The following STIM1 variants were observed in gnomAD, a reference collection of about 807,000 sequenced individuals.
The protein encoded by STIM1 is stromal interaction molecule 1.
In STIM1, 25 loss-of-function variants were observed where a neutral mutation model predicts 74.7. The observed-to-expected ratio is 0.33, with a 90% CI of 0.24 to 0.47. The LOEUF (loss-of-function observed/expected upper bound fraction) is 0.47, where lower values mean the gene tolerates loss of function less well. Among genes scored for constraint, STIM1 ranks in the 20% least tolerant of loss-of-function variants. STIM1 has a pLI of 1.00. For synonymous variants in STIM1, 328 were observed against 348.8 expected, an observed-to-expected ratio of 0.94 and a Z score of 0.66; for missense variants, 728 against 920.8, an observed-to-expected ratio of 0.79 and a Z score of 2.71.
At chr11:3,950,134 A>ATT (rs574446467) in intron 1 of STIM1, among the ~76,000 whole-genome samples, 29 of 132,202 alleles carry the variant, frequency 2.2e-4, no homozygotes, top group East Asian at 8.7e-4. Flanking sequence ...TAGGTCATTC[A>ATT]TTTTTTTTTT....
rs1051358820 is a variant in STIM1, at chr11:4,043,822, C to G, written c.386-11704C>G. Among the ~76,000 whole-genome samples the G allele has an allele frequency of 2.0e-5, 3 of 152,106 alleles. No individual in the cohort carries two copies. The South Asian group carries it at 6.2e-4, about 31-fold the overall frequency. On this transcript the variant is annotated intron_variant, in intron 3 of 12. Coordinates refer to ENST00000526596, the MANE Select transcript of STIM1 (RefSeq NM_001382567.1). ...ACGAGGTCAGGAGATTGAGACCATC[C>G]TGGCCAACATGGTGAAACCCTGTCT...
intron 3 of STIM1, among the ~76,000 whole-genome samples, chr11:4,025,285 C>G (rs1228019752): frequency 6.6e-6 from 1 of 152,106 alleles, no homozygotes; most frequent in Non-Finnish European, 1.5e-5. Flanking sequence ...AGCAGGAAGA[C>G]CTGGATTCTA....
At chr11:4,055,853 G>A (rs2094285069) in intron 4 of STIM1, among the ~76,000 whole-genome samples, 1 of 152,164 alleles carries the variant, frequency 6.6e-6, no homozygotes. Flanking sequence ...TCAGTCCTGG[G>A]AATAGTACTG....
At chr11:4,054,466 G>C (rs1470494148) in intron 3 of STIM1, among the ~76,000 whole-genome samples, 2 of 152,212 alleles carry the variant, frequency 1.3e-5, no homozygotes, top group Admixed American at 1.3e-4. Context: ...CACAGCAGGA[G>C]ATGAGTGGTG....
At chr11:3,896,504 CATCTT>C (rs1431367238) in intron 1 of STIM1, among the ~76,000 whole-genome samples, 1 of 152,168 alleles carries the variant, frequency 6.6e-6, no homozygotes, top group African/African-American at 2.4e-5. Flanking sequence ...TATTCTGAAA[CATCTT>C]GATTGAGCTG....
intron 1 of STIM1, among the ~76,000 whole-genome samples, chr11:3,900,107 T>A (rs2092308997): frequency 6.6e-6 from 1 of 152,128 alleles, no homozygotes; most frequent in Non-Finnish European, 1.5e-5. Flanking sequence ...AGTTCCTCCT[T>A]GTACCTCTGC....
At chr11:4,032,635 T>C (rs1464237360) in intron 3 of STIM1, among the ~76,000 whole-genome samples, 2 of 152,206 alleles carry the variant, frequency 1.3e-5, no homozygotes, top group East Asian at 3.9e-4. Flanking sequence ...ACTGATGTTC[T>C]TTCAACCCAT....
Position 3,931,383 on chromosome 11 carries a change from G to A in STIM1, c.140-36169G>A, listed in dbSNP as rs186357742. Among the ~76,000 whole-genome samples the A allele has an allele frequency of 4.3e-3, 647 of 152,196 alleles. 2 individuals carry two copies. Among genetic ancestry groups the A allele is most frequent in the African/African-American group, 0.015 (616 of 41,494 alleles). ...CTGGGAACATAAAAAACAATAAGAC[G>A]TGGTCCTTACCTGCCCTGGATAAAC... On this transcript the variant is annotated intron_variant, in intron 1 of 12. Transcript: ENST00000526596.
chr11:3,858,140 A>G lies in STIM1; in HGVS notation c.139+1731A>G, dbSNP rs184484304. On this transcript the variant is annotated intron_variant, in intron 1 of 12. Coordinates refer to ENST00000526596, the MANE Select transcript of STIM1 (RefSeq NM_001382567.1). The stretch of plus-strand genomic sequence containing the variant: ...CCAAAATATGAGTGCCTGACATAAG[A>G]TGAATATTTTTTGGAGAGTGGGTGT... Among the ~76,000 whole-genome samples the G allele has an allele frequency of 1.5e-4, 23 of 152,280 alleles. No individual in the cohort carries two copies. In the East Asian group the frequency reaches 4.4e-3, roughly 29 times the overall value.
intron 1 of STIM1, among the ~76,000 whole-genome samples, chr11:3,924,545 T>C (rs761003096): frequency 3.9e-5 from 6 of 152,136 alleles, no homozygotes; most frequent in Admixed American, 6.5e-5. Flanking sequence ...TTTGATGTAT[T>C]TTTGATGCAA....
chr11:3,881,274 A>G (rs888337353), intron 1 of STIM1, among the ~76,000 whole-genome samples: 2 of 151,968 alleles, frequency 1.3e-5, no homozygotes, highest in Non-Finnish European at 2.9e-5. Context: ...GCAGCCATCA[A>G]TCTGTGTATC....
intron 2 of STIM1, among the ~76,000 whole-genome samples, chr11:4,000,282 CT>C (rs1485151804): frequency 6.9e-6 from 1 of 145,278 alleles, no homozygotes; most frequent in Admixed American, 7.0e-5. Flanking sequence ...AGACTGCCTC[CT>C]CAAGTGGGTC....
intron 1 of STIM1, among the ~76,000 whole-genome samples, chr11:3,934,390 CCCTCATCCTTGAAGGCCCAGTTTGAT>C (rs2092908653): frequency 6.6e-6 from 1 of 152,236 alleles, no homozygotes; most frequent in Non-Finnish European, 1.5e-5. Context: ...ACCTTCTGTT[CCCTCATCCTTGAAGGCCCAGTTTGAT>C]CTCTTCTCTC....
At chr11:4,044,918 A>G (rs2094178295) in intron 3 of STIM1, among the ~76,000 whole-genome samples, 1 of 152,172 alleles carries the variant, frequency 6.6e-6, no homozygotes, top group African/African-American at 2.4e-5. Context: ...GATTGGCAGC[A>G]TGTTACTGGC....
chr11:4,052,933 C>T (rs1294541842), intron 3 of STIM1, among the ~76,000 whole-genome samples: 3 of 152,190 alleles, frequency 2.0e-5, no homozygotes, highest in African/African-American at 7.2e-5. Flanking sequence ...TATGAACAGA[C>T]ACTTCTCAAA....
chr11:4,020,283 A>G (rs1433659424), intron 2 of STIM1, among the ~76,000 whole-genome samples: 1 of 152,182 alleles, frequency 6.6e-6, no homozygotes, highest in Non-Finnish European at 1.5e-5. Context: ...TCTCTTCAAC[A>G]TGCTGATTTC....
At chr11:4,025,099 T>C (rs922462959) in intron 3 of STIM1, among the ~76,000 whole-genome samples, 2 of 152,214 alleles carry the variant, frequency 1.3e-5, no homozygotes, top group Non-Finnish European at 2.9e-5. Flanking sequence ...GAACTTCAGC[T>C]GTAGGCCAAT....
At chr11:3,861,195 G>A (rs1565092809) in intron 1 of STIM1, among the ~76,000 whole-genome samples, 1 of 151,954 alleles carries the variant, frequency 6.6e-6, no homozygotes, top group Non-Finnish European at 1.5e-5. Context: ...GCACCCATAG[G>A]TAGGAAGATT....
At chr11:3,882,824 T>A (rs1348386855) in intron 1 of STIM1, among the ~76,000 whole-genome samples, 1 of 152,238 alleles carries the variant, frequency 6.6e-6, no homozygotes, top group Non-Finnish European at 1.5e-5. Context: ...GTTATTTTTT[T>A]TATTATAACC....
Sources: gnomAD v4.1 joint callset for allele counts (sites outside exome capture counted in the v4.1 genomes callset) on GRCh38, gnomAD v4.1.1 for gene constraint, MANE v1.5 for transcripts, NCBI Gene and HGNC (gene_info 2026-07-23, HGNC 2026-07-21) for gene names.